The following RESF1 variants were observed in gnomAD, a reference collection of about 807,000 sequenced individuals.
The protein encoded by RESF1 is gonad expressed transcript.
Under a neutral mutation model 134.7 loss-of-function variants are expected in RESF1, and 65 were observed. The ratio of observed to expected loss-of-function variants is 0.48; its 90% CI spans 0.40 to 0.59. The LOEUF (loss-of-function observed/expected upper bound fraction) is 0.59. Ranked by LOEUF, RESF1 falls within the 20% of genes least tolerant of loss-of-function variation. The pLI is 0.00. For missense variants in RESF1, 2,274 were observed against 2,002.7 expected (o/e 1.14, Z -2.59); for synonymous variants, 762 against 702.2 (o/e 1.09, Z -1.35).
chr12:31,992,334 C>A, intron 5 of RESF1, 44 bp from the exon 6 acceptor site: 1 of 1,495,114 alleles, frequency 6.7e-7, no homozygotes, highest in Non-Finnish European at 9.2e-7. Flanking sequence ...TTGATCACAG[C>A]TAACATTGAG....
intron 2 of RESF1, among the ~76,000 whole-genome samples, chr12:31,965,363 G>C (rs1360608263): frequency 6.6e-6 from 1 of 152,192 alleles, no homozygotes; most frequent in Non-Finnish European, 1.5e-5. Flanking sequence ...AATCAGGCTA[G>C]TGGCTGGCCA....
At position 31,960,386 on chromosome 12, in the gene RESF1, C is replaced by T. The variant is rs371658625; in HGVS notation, c.-341-391C>T. 1.4e-4 allele frequency among the ~76,000 whole-genome samples: 21 copies of T among 152,216 alleles called. No homozygotes were observed. The East Asian group carries it at 1.7e-3, about 13-fold the overall frequency. Reference sequence around the variant, plus strand: ...GAGCTTGTTTGGGGATTGCATTTTTCTGCTAAATGTGTTAGCTTTAATCAT... The same window carrying T: ...GAGCTTGTTTGGGGATTGCATTTTTTTGCTAAATGTGTTAGCTTTAATCAT... On this transcript the variant is annotated intron_variant, in intron 1 of 5. Coordinates refer to ENST00000312561, the MANE Select transcript of RESF1 (RefSeq NM_018169.4).
At chr12:31,973,199 A>C (rs1393017468) in intron 3 of RESF1, among the ~76,000 whole-genome samples, 1 of 152,176 alleles carries the variant, frequency 6.6e-6, no homozygotes, top group Admixed American at 6.5e-5. Flanking sequence ...ATATTCTTGA[A>C]AGTTCTAAGA....
At chr12:31,987,401 TTG>T (rs1328378898) in intron 5 of RESF1, 79 bp downstream of exon 5, 1 of 817,228 alleles carries the variant, frequency 1.2e-6, no homozygotes, top group African/African-American at 1.8e-5. Flanking sequence ...TATGATATGA[TTG>T]TAAAGTATGA....
intron 3 of RESF1, among the ~76,000 whole-genome samples, chr12:31,980,102 CTTTTCCTTTTT>C (rs1046776872): frequency 8.1e-6 from 1 of 124,140 alleles, no homozygotes; most frequent in Non-Finnish European, 1.7e-5. Context: ...CAGAAATTTT[CTTTTCCTTTTT>C]TTTTTTTTTT....
intron 5 of RESF1, among the ~76,000 whole-genome samples, chr12:31,990,564 C>G (rs1940074479): frequency 6.6e-6 from 1 of 152,268 alleles, no homozygotes; most frequent in Non-Finnish European, 1.5e-5. Flanking sequence ...TCTCCTGCCT[C>G]GGCCTCAGCC....
At chr12:31,978,535 G>GTTTTTTTT (rs202163423) in intron 3 of RESF1, among the ~76,000 whole-genome samples, 1 of 151,244 alleles carries the variant, frequency 6.6e-6, no homozygotes, top group Non-Finnish European at 1.5e-5. Flanking sequence ...AGGTATTTGG[G>GTTTTTTTT]GTTTTTTTTT....
intron 2 of RESF1, among the ~76,000 whole-genome samples, chr12:31,967,693 T>C (rs1341649230): frequency 1.3e-5 from 2 of 151,624 alleles, no homozygotes; most frequent in Non-Finnish European, 2.9e-5. Context: ...TGTGTGTTTT[T>C]CATTGATTGT....
At chr12:31,974,796 C>T (rs1224959684) in intron 3 of RESF1, among the ~76,000 whole-genome samples, 3 of 152,102 alleles carry the variant, frequency 2.0e-5, no homozygotes, top group Non-Finnish European at 4.4e-5. Context: ...CTTAGAAGTG[C>T]TGCTTTTCTT....
chr12:31,991,239 A>G (rs1940087641), intron 5 of RESF1, among the ~76,000 whole-genome samples: 1 of 151,892 alleles, frequency 6.6e-6, no homozygotes, highest in Non-Finnish European at 1.5e-5. Flanking sequence ...GTCTAAATTC[A>G]GTAGCAAAGG....
chr12:31,967,293 G>A (rs1939418246), intron 2 of RESF1, among the ~76,000 whole-genome samples: 1 of 152,202 alleles, frequency 6.6e-6, no homozygotes, highest in South Asian at 2.1e-4. Context: ...TAACCACTGT[G>A]CTGCAAGAGG....
intron 2 of RESF1, chr12:31,962,522 G>C (rs1939298273): frequency 6.6e-6 from 1 of 152,210 alleles, no homozygotes. Flanking sequence ...TGTAAGTGAA[G>C]AGCAAAGTTG....
chr12:31,991,038 CTT>C (rs35404089), intron 5 of RESF1, among the ~76,000 whole-genome samples: 5 of 151,930 alleles, frequency 3.3e-5, no homozygotes, highest in African/African-American at 1.2e-4. Context: ...CTACAAATAA[CTT>C]TTTAAAAAAT....
chr12:31,985,048 A>C lies in RESF1; in HGVS notation c.4093A>C (p.Lys1365Gln). 6.3e-7 allele frequency: 1 copy of C among 1,585,174 alleles called. No individual in the cohort carries two copies. The highest frequency in any genetic ancestry group is 8.5e-7 in the Non-Finnish European group (1 of 1,171,792). ...QSLSPEKIKL[K>Q]LKSVSFKQKR... ...ATTATCACCAGAAAAGATAAAATTG[A>C]AACTCAAATCAGTTAGCTTCAAACA... The change falls in exon 4 of 6, where the codon AAA becomes CAA. Residue 1365 changes from lysine to glutamine, a missense_variant. Transcript: ENST00000312561.
At chr12:31,964,808 A>G (rs185618699) in intron 2 of RESF1, among the ~76,000 whole-genome samples, 2 of 152,266 alleles carry the variant, frequency 1.3e-5, no homozygotes, top group African/African-American at 4.8e-5. Context: ...TTGGATTGTC[A>G]GGTTGTAAGT....
chr12:31,972,135 C>G (rs1458109438), intron 3 of RESF1, among the ~76,000 whole-genome samples: 3 of 152,180 alleles, frequency 2.0e-5, no homozygotes, highest in African/African-American at 7.2e-5. Context: ...TTCTACATCT[C>G]TTGAACTGAA....
In RESF1 at chr12:31,992,676, T is replaced by G; in HGVS notation, c.*141T>G. ...CACTTTCATTGTATTTCATTGAAAG[T>G]GCTTAATTAAAATGGCTTGAGAACT... On this transcript the variant is annotated 3_prime_UTR_variant, in exon 6 of 6. Transcript: ENST00000312561. 3 of 880,992 alleles carry G rather than the reference T, an allele frequency of 3.4e-6. No homozygotes were observed. The highest frequency in any genetic ancestry group is 5.4e-6 in the Non-Finnish European group (3 of 553,720). 54.6% of individuals were successfully genotyped at this position (880,992 alleles called of 1,614,324 possible).
At chr12:31,963,552 G>A (rs1939329332) in intron 2 of RESF1, among the ~76,000 whole-genome samples, 1 of 152,240 alleles carries the variant, frequency 6.6e-6, no homozygotes, top group East Asian at 1.9e-4. Flanking sequence ...CATGCCTTTT[G>A]TAACTATAGT....
chr12:31,963,342 C>CAAAAAAAAAA, intron 2 of RESF1, among the ~76,000 whole-genome samples: 1 of 123,350 alleles, frequency 8.1e-6, no homozygotes, highest in Non-Finnish European at 1.8e-5. Context: ...GAGACTGTCT[C>CAAAAAAAAAA]AAAAAAAAAA....
Sources: gnomAD v4.1 joint callset for allele counts (sites outside exome capture counted in the v4.1 genomes callset) on GRCh38, gnomAD v4.1.1 for gene constraint, MANE v1.5 for transcripts, NCBI Gene and HGNC (gene_info 2026-07-23, HGNC 2026-07-21) for gene names.